The following PRR14L variants were observed in gnomAD, a reference collection of about 807,000 sequenced individuals.
PRR14L encodes proline rich 14 like, also known as protein PRR14L.
A neutral mutation model predicts 155.0 loss-of-function variants in PRR14L; 80 were observed. The ratio of observed to expected loss-of-function variants is 0.52; its 90% CI spans 0.43 to 0.62. The LOEUF is 0.62. Among genes scored for constraint, PRR14L ranks in the 20% least tolerant of loss-of-function variants. The probability of loss-of-function intolerance (pLI) is 0.00; values close to 1 mark genes in which losing one functional copy is unlikely to be tolerated. For synonymous variants in PRR14L, 883 were observed against 916.0 expected, an observed-to-expected ratio of 0.96 and a Z score of 0.65; for missense variants, 2,469 against 2,548.0, an observed-to-expected ratio of 0.97 and a Z score of 0.67.
intron 3 of PRR14L, among the ~76,000 whole-genome samples, chr22:31,723,768 T>G (rs1372840158): frequency 6.6e-6 from 1 of 152,208 alleles, no homozygotes; most frequent in Non-Finnish European, 1.5e-5. Context: ...GAAAGATTGG[T>G]GCTTCCTTTT....
At chr22:31,749,762 C>T (rs780057478) in intron 1 of PRR14L, among the ~76,000 whole-genome samples, 5 of 152,200 alleles carry the variant, frequency 3.3e-5, no homozygotes, top group Non-Finnish European at 5.9e-5. Flanking sequence ...CTCTCTCCCG[C>T]GTCGGAGCCA....
At chr22:31,710,168 C>G (rs1021808546) in intron 4 of PRR14L, among the ~76,000 whole-genome samples, 1 of 151,980 alleles carries the variant, frequency 6.6e-6, no homozygotes, top group Non-Finnish European at 1.5e-5. Flanking sequence ...TCTCAAACTC[C>G]TGGACTAAAG....
chr22:31,699,140 G>A (rs1421683006), intron 7 of PRR14L, among the ~76,000 whole-genome samples: 1 of 151,838 alleles, frequency 6.6e-6, no homozygotes, highest in Non-Finnish European at 1.5e-5. Context: ...GGGTTCAAGC[G>A]ACTCTCCTGC....
chr22:31,724,135 G>A (rs117756911), intron 3 of PRR14L, among the ~76,000 whole-genome samples: 8 of 152,260 alleles, frequency 5.3e-5, no homozygotes, highest in Admixed American at 1.3e-4. Flanking sequence ...TGTCACTGTC[G>A]CCCATCAACC....
At chr22:31,745,107 T>G (rs944443139) in intron 1 of PRR14L, among the ~76,000 whole-genome samples, 26 of 152,100 alleles carry the variant, frequency 1.7e-4, no homozygotes, top group Non-Finnish European at 3.1e-4. Flanking sequence ...GCCGGGTGCT[T>G]TGGCTCACGC....
At chr22:31,698,870 C>T (rs1323472895) in intron 7 of PRR14L, among the ~76,000 whole-genome samples, 2 of 149,648 alleles carry the variant, frequency 1.3e-5, no homozygotes, top group South Asian at 2.1e-4. Context: ...TGCAGTGAGC[C>T]GAGATCGTGC....
chr22:31,713,839 T>G lies in PRR14L; in HGVS notation c.4000A>C (p.Lys1334Gln), dbSNP rs1391889895. 3 of 1,552,202 alleles carry G rather than the reference T, an allele frequency of 1.9e-6. No homozygotes were observed. The highest frequency in any genetic ancestry group is 2.6e-6 in the Non-Finnish European group (3 of 1,147,126). Residue 1334 changes from lysine (K) to glutamine (Q), a missense_variant, in exon 4 of 9, where the codon AAA becomes CAA. Physicochemically the swap from Lys to Gln is moderately conservative, Grantham distance 53 (BLOSUM62 1). Transcript: ENST00000327423. ...TGATGCTCTTCGGTTTCTTCTCCTT[T>G]CACTTTAATATCTGTTTTCACTGTC... is the stretch of plus-strand genomic sequence containing the variant. Reference protein sequence around the residue: ...PLTVKTDIKVKGEETEEHQRG... With the variant: ...PLTVKTDIKVQGEETEEHQRG...
intron 4 of PRR14L, among the ~76,000 whole-genome samples, chr22:31,710,514 G>A (rs754115888): frequency 2.5e-4 from 38 of 151,176 alleles, no homozygotes; most frequent in Admixed American, 6.6e-4. Flanking sequence ...GTGCCGTGGC[G>A]TGATCTCGGC....
At chr22:31,702,629 C>A (rs1307780143) in intron 6 of PRR14L, among the ~76,000 whole-genome samples, 8 of 152,092 alleles carry the variant, frequency 5.3e-5, no homozygotes, top group Non-Finnish European at 1.5e-5. Context: ...GAATCTACTG[C>A]CTCGGCCTCC....
intron 2 of PRR14L, among the ~76,000 whole-genome samples, chr22:31,737,229 C>T (rs910129811): frequency 6.6e-6 from 1 of 150,856 alleles, no homozygotes; most frequent in East Asian, 2.0e-4. Flanking sequence ...GCCTATAATC[C>T]CAACATTTTG....
chr22:31,715,205 T>C lies in PRR14L; in HGVS notation c.2634A>G (p.Ala878=), dbSNP rs1003451044. ...TTGAAATTCCACTATTTAACAAGCCTGCTACCATTTTGTTTCTGATCTTAT... is the reference window on the plus strand; with the variant it reads ...TTGAAATTCCACTATTTAACAAGCCCGCTACCATTTTGTTTCTGATCTTAT... ...PGDKIRNKMV[A]GLLNSGISNK... Residue 878 remains alanine (A), a synonymous_variant, in exon 4 of 9, where the codon GCA becomes GCG. Transcript: ENST00000327423. The C allele has an allele frequency of 5.2e-6, 8 of 1,552,296 alleles. No individual in the cohort carries two copies. Among genetic ancestry groups the C allele is most frequent in the Non-Finnish European group, 7.0e-6 (8 of 1,147,120 alleles).
At chr22:31,690,969 C>CTT (rs1226418542) in intron 7 of PRR14L, among the ~76,000 whole-genome samples, 1 of 125,104 alleles carries the variant, frequency 8.0e-6, no homozygotes, top group African/African-American at 3.0e-5. Flanking sequence ...TTTTCTATTT[C>CTT]TTTTTTTTTT....
In PRR14L at chr22:31,716,454, T is replaced by C. The variant is rs73884207; in HGVS notation, c.1385A>G (p.Asn462Ser). ...HTGNSSSLMPNSFTEATEVML... is the reference protein window; with the variant it reads ...HTGNSSSLMPSSFTEATEVML... ...TACTTCTGTGGCTTCAGTAAAAGAA[T>C]TGGGCATTAAAGAACTAGAGTTCCC... Residue 462 changes from asparagine to serine, a missense_variant, in exon 4 of 9, where the codon AAT (asparagine) becomes AGT (serine). Physicochemically the swap from Asn to Ser is conservative, Grantham distance 46. Coordinates refer to ENST00000327423, the MANE Select transcript of PRR14L (RefSeq NM_173566.3). 253 of 1,551,294 alleles carry C rather than the reference T, an allele frequency of 1.6e-4. 2 individuals are homozygous for C. The African/African-American group carries it at 2.2e-3, about 14-fold the overall frequency.
At chr22:31,725,675 T>C (rs2147869845) in intron 2 of PRR14L, 65 bp from the exon 3 acceptor site, 2 of 962,752 alleles carry the variant, frequency 2.1e-6, no homozygotes, top group South Asian at 1.6e-5. Flanking sequence ...AATATTATTA[T>C]TATTATTATT....
At chr22:31,707,358 A>C (rs1414164428) in intron 4 of PRR14L, among the ~76,000 whole-genome samples, 1 of 122,220 alleles carries the variant, frequency 8.2e-6, no homozygotes, top group African/African-American at 3.7e-5. Context: ...AACCTCAGGA[A>C]CAAACAGTTT....
intron 1 of PRR14L, among the ~76,000 whole-genome samples, chr22:31,746,877 A>G (rs1054074323): frequency 6.6e-6 from 1 of 151,392 alleles, no homozygotes; most frequent in Non-Finnish European, 1.5e-5. Context: ...GCTCACTGCA[A>G]GCTCTGCCTC....
At chr22:31,729,499 G>A (rs1204766878) in intron 2 of PRR14L, among the ~76,000 whole-genome samples, 6 of 152,174 alleles carry the variant, frequency 3.9e-5, no homozygotes, top group Non-Finnish European at 7.4e-5. Flanking sequence ...TTACAGGCGT[G>A]AGCCACCACG....
At chr22:31,720,074 T>C (rs892129156) in intron 3 of PRR14L, among the ~76,000 whole-genome samples, 2 of 152,162 alleles carry the variant, frequency 1.3e-5, no homozygotes, top group African/African-American at 4.8e-5. Context: ...GTTTCTTTTA[T>C]TGTAAAAGGT....
At position 31,738,885 on chromosome 22, in the gene PRR14L, C is replaced by T. The variant is rs187348334; in HGVS notation, c.-25G>A. ...TTAGGACAGATGCAGATTATGGAGTCAAGTCTTTTACATCAAATGATTCAC... is the reference window on the plus strand; with the variant it reads ...TTAGGACAGATGCAGATTATGGAGTTAAGTCTTTTACATCAAATGATTCAC... On this transcript the variant is annotated 5_prime_UTR_variant, in exon 2 of 9. Coordinates refer to ENST00000327423, the MANE Select transcript of PRR14L (RefSeq NM_173566.3). 204 of 1,426,084 alleles carry T rather than the reference C, an allele frequency of 1.4e-4. 3 individuals are homozygous for T. In the Middle Eastern group the frequency reaches 1.4e-3, roughly 10 times the overall value. The allele number at this position is 1,426,084 out of a possible 1,614,324, so 88.3% of individuals were successfully genotyped here.
Sources: gnomAD v4.1 joint callset for allele counts (sites outside exome capture counted in the v4.1 genomes callset) on GRCh38, gnomAD v4.1.1 for gene constraint, MANE v1.5 for transcripts, NCBI Gene and HGNC (gene_info 2026-07-23, HGNC 2026-07-21) for gene names.